TET1: variants seen among roughly 807,000 people sequenced by gnomAD.
TET1 encodes methylcytosine dioxygenase TET1.
A neutral mutation model predicts 148.7 loss-of-function variants in TET1; 13 were observed. The observed-to-expected ratio is 0.09, with a 90% CI of 0.06 to 0.14. TET1 has a LOEUF of 0.14. Among genes scored for constraint, TET1 ranks in the 10% least tolerant of loss-of-function variants. TET1 has a pLI of 1.00. For missense variants in TET1, 2,182 were observed against 2,553.8 expected, an observed-to-expected ratio of 0.85 and a Z score of 3.14; for synonymous variants, 907 against 937.2, an observed-to-expected ratio of 0.97 and a Z score of 0.59.
intron 1 of TET1, among the ~76,000 whole-genome samples, chr10:68,569,171 T>G (rs930993824): frequency 7.4e-6 from 1 of 134,862 alleles, no homozygotes; most frequent in Non-Finnish European, 1.6e-5. Context: ...AGTTTCTTTT[T>G]TTTTTTTTTT....
At chr10:68,661,194 TAA>T (rs2055106301) in intron 6 of TET1, among the ~76,000 whole-genome samples, 1 of 130,220 alleles carries the variant, frequency 7.7e-6, no homozygotes, top group African/African-American at 3.2e-5. Context: ...TGCGCCTGGC[TAA>T]TTTTTTTTTT....
At chr10:68,622,643 C>G (rs1048238854) in intron 3 of TET1, among the ~76,000 whole-genome samples, 1 of 152,004 alleles carries the variant, frequency 6.6e-6, no homozygotes, top group Admixed American at 6.6e-5. Flanking sequence ...AACAGTTCCA[C>G]AGTCCTCTTT....
intron 2 of TET1, among the ~76,000 whole-genome samples, chr10:68,576,540 T>G (rs1479807926): frequency 1.7e-4 from 26 of 151,910 alleles, no homozygotes; most frequent in Admixed American, 1.6e-3. Flanking sequence ...CACGCTCCTG[T>G]AGTCCCAACT....
At chr10:68,666,410 A>T (rs74905726) in intron 6 of TET1, among the ~76,000 whole-genome samples, 1 of 152,134 alleles carries the variant, frequency 6.6e-6, no homozygotes, top group African/African-American at 2.4e-5. Context: ...GAAAAGCCAT[A>T]ACATTCCTCA....
At chr10:68,622,106 G>A (rs1419979343) in intron 3 of TET1, among the ~76,000 whole-genome samples, 2 of 151,954 alleles carry the variant, frequency 1.3e-5, no homozygotes, top group South Asian at 4.2e-4. Flanking sequence ...CTCAAATTTG[G>A]CCAATATTCC....
chr10:68,570,397 G>A (rs571348222), intron 1 of TET1, among the ~76,000 whole-genome samples: 55 of 151,846 alleles, frequency 3.6e-4, no homozygotes, highest in South Asian at 6.2e-4. Context: ...GAGCCACCGC[G>A]CCCAGCCAGT....
rs1342823845 is a variant in TET1 at position 68,693,701 on chromosome 10, T to G, written c.*1887T>G. 1 of 231,720 alleles carries G rather than the reference T, an allele frequency of 4.3e-6. No individual in the cohort carries two copies. Among genetic ancestry groups the G allele is most frequent in the Admixed American group, 5.6e-5 (1 of 17,732 alleles). 14.4% of individuals were successfully genotyped at this position (231,720 alleles called of 1,614,324 possible). Reference sequence around the variant, plus strand: ...TTTTGTGAGCCTAAGGTTTCTTATATACATATAAGTATATAAATAAGTGAT... The same window carrying G: ...TTTTGTGAGCCTAAGGTTTCTTATAGACATATAAGTATATAAATAAGTGAT... On this transcript the variant is annotated 3_prime_UTR_variant, in exon 12 of 12. Transcript: ENST00000373644.
chr10:68,632,328 AAAAG>A, intron 3 of TET1: 2 of 1,513,968 alleles, frequency 1.3e-6, no homozygotes, highest in East Asian at 4.5e-5. Context: ...TTTCAAAAAA[AAAAG>A]AAAGGGTGCA....
At chr10:68,618,962 G>C (rs1407371266) in intron 3 of TET1, among the ~76,000 whole-genome samples, 1 of 151,990 alleles carries the variant, frequency 6.6e-6, no homozygotes, top group Admixed American at 6.6e-5. Context: ...ATTAGACCCT[G>C]TCTCTTAAAA....
intron 3 of TET1, among the ~76,000 whole-genome samples, chr10:68,615,892 C>T (rs536979931): frequency 6.6e-6 from 1 of 152,200 alleles, no homozygotes; most frequent in East Asian, 1.9e-4. Flanking sequence ...GGTGATCCGC[C>T]CGCTTTGGCC....
intron 3 of TET1, among the ~76,000 whole-genome samples, chr10:68,627,622 C>T (rs1296243419): frequency 2.0e-5 from 3 of 151,194 alleles, no homozygotes; most frequent in African/African-American, 7.3e-5. Context: ...AAAACTCAAT[C>T]ACCATGCAGT....
At chr10:68,673,514 G>C (rs1295792362) in intron 8 of TET1, 1 of 335,734 alleles carries the variant, frequency 3.0e-6, no homozygotes, top group Non-Finnish European at 6.0e-6. Flanking sequence ...GTCGAACTTG[G>C]TGTTAAGTTA....
At chr10:68,674,749 A>G (rs1364529480) in intron 8 of TET1, 10 of 495,786 alleles carry the variant, frequency 2.0e-5, no homozygotes, top group Middle Eastern at 3.4e-4. Context: ...TTACTAAAAA[A>G]TGCAACAATC....
At chr10:68,600,742 T>C (rs1487539542) in intron 2 of TET1, among the ~76,000 whole-genome samples, 7 of 152,218 alleles carry the variant, frequency 4.6e-5, no homozygotes, top group Non-Finnish European at 7.3e-5. Context: ...CAGAGGCTAA[T>C]TAAGACAGAC....
At chr10:68,609,156 C>CA (rs2054170293) in intron 3 of TET1, among the ~76,000 whole-genome samples, 1 of 151,978 alleles carries the variant, frequency 6.6e-6, no homozygotes, top group African/African-American at 2.4e-5. Flanking sequence ...TGCCACCAAG[C>CA]CTGACTAATT....
chr10:68,647,021 C>A lies in TET1; in HGVS notation c.4276+16C>A. ...AGCTGTCTTGGTGAGTACTTGTGTG[C>A]ATGTGTTCTTATTTCACCTGCACAA... is the stretch of plus-strand genomic sequence containing the variant. On this transcript the variant is annotated intron_variant, in intron 4 of 11. Transcript: ENST00000373644. 1.3e-6 allele frequency: 2 copies of A among 1,584,528 alleles called. No homozygotes were observed. The highest frequency in any genetic ancestry group is 1.7e-6 in the Non-Finnish European group (2 of 1,165,744).
chr10:68,671,559 A>G (rs2055272525), intron 7 of TET1, among the ~76,000 whole-genome samples: 1 of 152,224 alleles, frequency 6.6e-6, no homozygotes, highest in African/African-American at 2.4e-5. Context: ...CTTTGGGTAT[A>G]TACCCAGTAA....
chr10:68,643,012 C>T (rs528651197), intron 3 of TET1, among the ~76,000 whole-genome samples: 3 of 151,966 alleles, frequency 2.0e-5, no homozygotes, highest in Non-Finnish European at 4.4e-5. Context: ...AACCCCAGTA[C>T]TTTGGGAGGT....
chr10:68,573,250 G>A lies in TET1; in HGVS notation c.912G>A (p.Lys304=). ...HDCYPTSSLN[K]VIPDLNLRNC... is the part of the protein sequence containing the mutation. Reference sequence around the variant, plus strand: ...GCTACCCCACCTCCAGTCTTAATAAGGTTATACCTGACTTGAACCTTAGAA... The same window carrying A: ...GCTACCCCACCTCCAGTCTTAATAAAGTTATACCTGACTTGAACCTTAGAA... The change falls in exon 2 of 12, where the codon AAG becomes AAA. Residue 304 remains lysine, a synonymous_variant. Transcript: ENST00000373644. The A allele has an allele frequency of 6.2e-7, 1 of 1,613,886 alleles. No individual in the cohort carries two copies. The highest frequency in any genetic ancestry group is 1.1e-5 in the South Asian group (1 of 91,056).
Sources: gnomAD v4.1 joint callset for allele counts (sites outside exome capture counted in the v4.1 genomes callset) on GRCh38, gnomAD v4.1.1 for gene constraint, MANE v1.5 for transcripts, NCBI Gene and HGNC (gene_info 2026-07-23, HGNC 2026-07-21) for gene names.